Variants in ENTPD1 observed in about 807,000 individuals in gnomAD.
ENTPD1 encodes ectonucleoside triphosphate diphosphohydrolase 1.
ENTPD1 carries 33 observed loss-of-function variants against 57.0 expected under a neutral mutation model. That is an observed-to-expected ratio of 0.58 (90% CI 0.44 to 0.77). ENTPD1 has a LOEUF of 0.77. ENTPD1 is among the 30% of genes least tolerant of loss of function. The pLI is 0.00. For missense variants in ENTPD1, 501 were observed against 603.4 expected, an observed-to-expected ratio of 0.83 and a Z score of 1.78; for synonymous variants, 202 against 218.8, an observed-to-expected ratio of 0.92 and a Z score of 0.68.
rs1234384661 is a variant in ENTPD1, at chr10:95,871,378, A to G, written c.*4995A>G. The G allele has an allele frequency of 2.3e-5, 23 of 985,324 alleles. No individual in the cohort carries two copies. Among genetic ancestry groups the G allele is most frequent in the Non-Finnish European group, 2.8e-5 (23 of 829,918 alleles). 61.0% of individuals were successfully genotyped at this position (985,324 alleles called of 1,614,324 possible). On this transcript the variant is annotated 3_prime_UTR_variant, in exon 10 of 10. Coordinates refer to ENST00000371205, the MANE Select transcript of ENTPD1 (RefSeq NM_001776.6). The stretch of plus-strand genomic sequence containing the variant: ...GTCTGCAACTTCTTTCCATAGCCTT[A>G]ATCAGGATGCTGTGGCAGCTCCCAC...
At chr10:95,749,292 A>G (rs1255021944) in intron 1 of ENTPD1, among the ~76,000 whole-genome samples, 1 of 152,232 alleles carries the variant, frequency 6.6e-6, no homozygotes, top group Non-Finnish European at 1.5e-5. Flanking sequence ...CTAAAGGTGA[A>G]CAGTGATTTC....
intron 1 of ENTPD1, among the ~76,000 whole-genome samples, chr10:95,820,036 G>A (rs1325039210): frequency 6.6e-6 from 1 of 152,082 alleles, no homozygotes; most frequent in African/African-American, 2.4e-5. Context: ...AAGAAGAAGG[G>A]GCAGTTACCT....
At chr10:95,738,639 C>G (rs977587970) in intron 1 of ENTPD1, among the ~76,000 whole-genome samples, 1 of 152,116 alleles carries the variant, frequency 6.6e-6, no homozygotes, top group African/African-American at 2.4e-5. Flanking sequence ...CCAAGACTCA[C>G]CATAAATAGG....
At position 95,721,175 on chromosome 10, in the gene ENTPD1, T is replaced by C. The variant is rs1446206944; in HGVS notation, c.37+9182T>C. 3.9e-5 allele frequency among the ~76,000 whole-genome samples: 6 copies of C among 152,290 alleles called. 1 individual carries two copies. The South Asian group carries it at 1.0e-3, about 26-fold the overall frequency. ...AGTCTCTCCAGAAAGGCAGTAGGAT[T>C]TTCTTCCTTTCCCTGTGTTATAGTG... On this transcript the variant is annotated intron_variant, in intron 1 of 9. Coordinates refer to the ENTPD1 transcript ENST00000453258.
intron 1 of ENTPD1, among the ~76,000 whole-genome samples, chr10:95,822,388 C>G (rs973819719): frequency 6.6e-6 from 1 of 151,914 alleles, no homozygotes; most frequent in East Asian, 1.9e-4. Flanking sequence ...CCTCTGCCTC[C>G]GGGGTTCAAG....
intron 1 of ENTPD1, among the ~76,000 whole-genome samples, chr10:95,792,407 G>A (rs2098208584): frequency 6.6e-6 from 1 of 152,212 alleles, no homozygotes; most frequent in South Asian, 2.1e-4. Context: ...GAGGCAGCAG[G>A]CTTTCTAGAC....
intron 1 of ENTPD1, among the ~76,000 whole-genome samples, chr10:95,784,201 ACTGAAGT>A (rs2098169249): frequency 6.6e-6 from 1 of 151,258 alleles, no homozygotes; most frequent in African/African-American, 2.4e-5. Flanking sequence ...ACCCAGGGAC[ACTGAAGT>A]CAGGAAATCC....
chr10:95,772,826 C>T (rs1237401378), intron 1 of ENTPD1, among the ~76,000 whole-genome samples: 1 of 152,174 alleles, frequency 6.6e-6, no homozygotes, highest in African/African-American at 2.4e-5. Context: ...TGTATGATAG[C>T]TATAGCCTTA....
At chr10:95,809,624 C>T (rs1315678431) in intron 1 of ENTPD1, among the ~76,000 whole-genome samples, 4 of 149,432 alleles carry the variant, frequency 2.7e-5, no homozygotes. Context: ...GCGCTCCCCA[C>T]CTCCCAGACG....
At chr10:95,854,372 T>C (rs2098450713) in intron 7 of ENTPD1, among the ~76,000 whole-genome samples, 1 of 152,192 alleles carries the variant, frequency 6.6e-6, no homozygotes, top group African/African-American at 2.4e-5. Context: ...GTTGATCTTT[T>C]CAAAAAACCA....
At chr10:95,859,855 T>C (rs1435722036) in intron 7 of ENTPD1, among the ~76,000 whole-genome samples, 1 of 152,202 alleles carries the variant, frequency 6.6e-6, no homozygotes, top group Non-Finnish European at 1.5e-5. Flanking sequence ...GAATTTTTTT[T>C]TGTTTTACTG....
At chr10:95,715,185 T>C (rs1746748651) in intron 1 of ENTPD1, among the ~76,000 whole-genome samples, 1 of 152,258 alleles carries the variant, frequency 6.6e-6, no homozygotes, top group South Asian at 2.1e-4. Flanking sequence ...AACTGAGTCA[T>C]ACCCTCTTGT....
intron 1 of ENTPD1, among the ~76,000 whole-genome samples, chr10:95,772,245 G>T (rs1296005401): frequency 6.6e-6 from 1 of 152,174 alleles, no homozygotes; most frequent in Non-Finnish European, 1.5e-5. Flanking sequence ...ATTAAAAGAA[G>T]ACAACAATGA....
rs2098480715 is a variant in ENTPD1 at position 95,871,756 on chromosome 10, G to A, written c.*5373G>A. Reference sequence around the variant, plus strand: ...ATGATGATCACCCTCATCAGCACTAGAGTTGACTTGTTTTTATAACCCCTT... The same window carrying A: ...ATGATGATCACCCTCATCAGCACTAAAGTTGACTTGTTTTTATAACCCCTT... On this transcript the variant is annotated 3_prime_UTR_variant, in exon 10 of 10. Transcript: ENST00000371205. The A allele has an allele frequency of 2.0e-6, 2 of 985,434 alleles. No individual in the cohort carries two copies. Among genetic ancestry groups the A allele is most frequent in the Non-Finnish European group, 2.4e-6 (2 of 829,910 alleles). 61.0% of individuals were successfully genotyped at this position (985,434 alleles called of 1,614,324 possible).
upstream of ENTPD1, among the ~76,000 whole-genome samples, chr10:95,751,713 T>TC (rs1555277307): frequency 1.2e-5 from 1 of 81,334 alleles, no homozygotes; most frequent in Admixed American, 1.5e-4. Context: ...AGACATCGTC[T>TC]CAAAAAAAAA....
In ENTPD1 at chr10:95,867,030, T is replaced by G; in HGVS notation, c.*647T>G. The G allele has an allele frequency of 1.0e-6, 1 of 991,166 alleles. No homozygotes were observed. Among genetic ancestry groups the G allele is most frequent in the Non-Finnish European group, 1.2e-6 (1 of 833,188 alleles). 61.4% of individuals were successfully genotyped at this position (991,166 alleles called of 1,614,324 possible). A position where few individuals can be genotyped will look rare whatever the true frequency, so the allele number is the denominator to read the frequency against. Reference sequence around the variant, plus strand: ...CAATAAATCACATATTCCTAGGTGATACCCAAATGCTACAGAGTGGAACAC... The same window carrying G: ...CAATAAATCACATATTCCTAGGTGAGACCCAAATGCTACAGAGTGGAACAC... On this transcript the variant is annotated 3_prime_UTR_variant, in exon 10 of 10. Coordinates refer to ENST00000371205, the MANE Select transcript of ENTPD1 (RefSeq NM_001776.6).
chr10:95,788,808 T>C (rs1034516454), intron 1 of ENTPD1, among the ~76,000 whole-genome samples: 2 of 152,178 alleles, frequency 1.3e-5, no homozygotes, highest in African/African-American at 4.8e-5. Context: ...TATTATTTTC[T>C]CTATTTTCTA....
At chr10:95,701,111 A>T in the ENTPD1 span, among the ~76,000 whole-genome samples, 1 of 152,208 alleles carries the variant, frequency 6.6e-6, no homozygotes, top group Non-Finnish European at 1.5e-5. Context: ...AAATCTTAAT[A>T]GGCAAATGCT....
Position 95,867,006 on chromosome 10 carries a change from A to C in ENTPD1, c.*623A>C, listed in dbSNP as rs1369206628. The C allele has an allele frequency of 3.0e-6, 3 of 993,246 alleles. No individual in the cohort carries two copies. The African/African-American group carries it at 5.2e-5, about 17-fold the overall frequency. 61.5% of individuals were successfully genotyped at this position (993,246 alleles called of 1,614,324 possible). On this transcript the variant is annotated 3_prime_UTR_variant, in exon 10 of 10. Coordinates refer to ENST00000371205, the MANE Select transcript of ENTPD1 (RefSeq NM_001776.6). ...CAATCCCACCCAAAGCAGGTATGTCAATAAATCACATATTCCTAGGTGATA... is the reference window on the plus strand; with the variant it reads ...CAATCCCACCCAAAGCAGGTATGTCCATAAATCACATATTCCTAGGTGATA...
Sources: allele counts gnomAD v4.1 joint callset (sites outside exome capture counted in the v4.1 genomes callset), GRCh38; gene constraint gnomAD v4.1.1; transcripts MANE v1.5; gene names NCBI Gene and HGNC (gene_info 2026-07-23, HGNC 2026-07-21).